Variants in C16orf89 observed in about 807,000 individuals in gnomAD.
The protein encoded by C16orf89 is chromosome 16 open reading frame 89.
C16orf89 carries 57 observed loss-of-function variants against 41.5 expected under a neutral mutation model. That is an observed-to-expected ratio of 1.38 (90% CI 1.11 to 1.71). C16orf89 has a LOEUF of 1.71. Ranked by LOEUF, C16orf89 falls within the 40% of genes most tolerant of loss-of-function variation. The probability of loss-of-function intolerance (pLI) is 0.00; values close to 1 mark genes in which losing one functional copy is unlikely to be tolerated. For synonymous variants in C16orf89, 223 were observed against 190.6 expected, an observed-to-expected ratio of 1.17 and a Z score of -1.40; for missense variants, 575 against 445.9, an observed-to-expected ratio of 1.29 and a Z score of -2.61.
At chr16:5,053,540 G>GTT (rs1383965959) in intron 6 of C16orf89, among the ~76,000 whole-genome samples, 1 of 149,268 alleles carries the variant, frequency 6.7e-6, no homozygotes, top group Non-Finnish European at 1.5e-5. Context: ...AACAATTTGT[G>GTT]GTTTTTTTTT....
intron 3 of C16orf89, 92 bp downstream of exon 3, chr16:5,060,194 G>A: frequency 6.9e-7 from 1 of 1,443,610 alleles, no homozygotes; most frequent in Non-Finnish European, 9.4e-7. Flanking sequence ...CCTGGCTTCA[G>A]CCCTAGGGCT....
intron 1 of C16orf89, 116 bp from the exon 2 acceptor site, chr16:5,062,690 T>C: frequency 8.6e-7 from 1 of 1,157,416 alleles, no homozygotes; most frequent in Non-Finnish European, 1.2e-6. Context: ...CTCTCTGCCT[T>C]CTCCAGCACT....
At chr16:5,050,848 T>C (rs543994805) in intron 6 of C16orf89, among the ~76,000 whole-genome samples, 1 of 152,342 alleles carries the variant, frequency 6.6e-6, no homozygotes, top group African/African-American at 2.4e-5. Context: ...AAAAAAATCA[T>C]TCATCATGAA....
intron 4 of C16orf89, among the ~76,000 whole-genome samples, chr16:5,057,509 A>T (rs949697553): frequency 6.7e-5 from 10 of 149,504 alleles, no homozygotes; most frequent in Non-Finnish European, 1.0e-4. Flanking sequence ...CCATATATAT[A>T]TTTTTCTTTT....
In C16orf89 at chr16:5,059,804, TC is replaced by T. The variant is rs754728836; in HGVS notation, c.509+481del. 3.3e-5 allele frequency among the ~76,000 whole-genome samples: 5 copies of T among 151,948 alleles called. No individual in the cohort carries two copies. The South Asian group carries it at 1.0e-3, about 31-fold the overall frequency. On this transcript the variant is annotated intron_variant, in intron 3 of 7. Coordinates refer to ENST00000472572, the MANE Select transcript of C16orf89 (RefSeq NM_001098514.3). Reference sequence around the variant, plus strand: ...CTATAAGAGGTGCCAGGAGAGGCCCTCACAGGAGGTCTGCTATGTGCTGGGG... The same window carrying T: ...CTATAAGAGGTGCCAGGAGAGGCCCTACAGGAGGTCTGCTATGTGCTGGGG...
At chr16:5,050,190 A>G (rs1411350396) in intron 6 of C16orf89, among the ~76,000 whole-genome samples, 1 of 152,126 alleles carries the variant, frequency 6.6e-6, no homozygotes, top group East Asian at 1.9e-4. Context: ...CAATATGATG[A>G]AACTCAGTCT....
Position 5,044,496 on chromosome 16 carries a change from C to T in C16orf89, c.956-18G>A, listed in dbSNP as rs2142588441. On this transcript the variant is annotated intron_variant, in intron 7 of 7. Coordinates refer to ENST00000472572, the MANE Select transcript of C16orf89 (RefSeq NM_001098514.3). ...GCAGCCATCTAGGGGAGAGAGCCCC[C>T]ATGAGTGCTGGGTGGCAAGAACCTT... 6.2e-7 allele frequency: 1 copy of T among 1,611,678 alleles called. No homozygotes were observed. Among genetic ancestry groups the T allele is most frequent in the Non-Finnish European group, 8.5e-7 (1 of 1,179,240 alleles).
At chr16:5,055,669 G>T in intron 5 of C16orf89, 1 of 1,532,080 alleles carries the variant, frequency 6.5e-7, no homozygotes. Context: ...AGGCTTTGTG[G>T]GTCTGTCTGC....
intron 6 of C16orf89, among the ~76,000 whole-genome samples, chr16:5,053,136 G>T (rs932754715): frequency 7.2e-5 from 11 of 152,118 alleles, no homozygotes; most frequent in Admixed American, 5.9e-4. Flanking sequence ...TTGGGAGGCC[G>T]AGGTGGGTGG....
chr16:5,043,723 C>G (rs1302256249), downstream of C16orf89: 1 of 152,122 alleles, frequency 6.6e-6, no homozygotes, highest in African/African-American at 2.4e-5. Context: ...GTTTATGGGT[C>G]TTTTTAGAAT....
In C16orf89 at chr16:5,054,394, C is replaced by G. The variant is rs539546014; in HGVS notation, c.868+852G>C. ...TCCTCTGCCTCTCCACCCTCTGCTA[C>G]GTCACCTCCTCCCATGTAGTTGTTC... On this transcript the variant is annotated intron_variant, in intron 6 of 7. Transcript: ENST00000472572. 4.6e-5 allele frequency among the ~76,000 whole-genome samples: 7 copies of G among 152,194 alleles called. No homozygotes were observed. In the East Asian group the frequency reaches 1.3e-3, roughly 29 times the overall value.
chr16:5,064,844 A>G (rs1465342767), intron 1 of C16orf89, among the ~76,000 whole-genome samples: 4 of 152,184 alleles, frequency 2.6e-5, no homozygotes, highest in African/African-American at 9.6e-5. Context: ...CTGCCCAGTC[A>G]TGATTAAGAG....
chr16:5,044,835 A>G, intron 7 of C16orf89: 1 of 1,244,038 alleles, frequency 8.0e-7, no homozygotes, highest in Non-Finnish European at 1.0e-6. Context: ...CAGAGCGAGA[A>G]TCTGTCTCAA....
chr16:5,062,626 T>A (rs1402913885), intron 1 of C16orf89, 52 bp from the exon 2 acceptor site: 1 of 1,506,722 alleles, frequency 6.6e-7, no homozygotes, highest in Non-Finnish European at 8.9e-7. Context: ...GGGACCTTTT[T>A]TTGCCTTGGA....
Position 5,047,875 on chromosome 16 carries a change from T to C in C16orf89, c.955+3A>G, listed in dbSNP as rs144254473. Reference sequence around the variant, plus strand: ...AAGAAACTCCCTTGGGTATTTTCATTACCTGGAAATTGTTTTTCTCGCCTC... The same window carrying C: ...AAGAAACTCCCTTGGGTATTTTCATCACCTGGAAATTGTTTTTCTCGCCTC... On this transcript the variant is annotated splice_donor_region_variant and intron_variant, in intron 7 of 7. Transcript: ENST00000472572. 2.6e-6 allele frequency: 4 copies of C among 1,530,352 alleles called. No individual in the cohort carries two copies. The East Asian group carries it at 9.0e-5, about 34-fold the overall frequency. The allele number at this position is 1,530,352 out of a possible 1,614,324, so 94.8% of individuals were successfully genotyped here.
chr16:5,055,251 T>TC lies in C16orf89; in HGVS notation c.862dup (p.Glu288GlyfsTer3). 6.2e-7 allele frequency: 1 copy of TC among 1,606,834 alleles called. No individual in the cohort carries two copies. Among genetic ancestry groups the TC allele is most frequent in the Non-Finnish European group, 8.5e-7 (1 of 1,175,522 alleles). On this transcript the variant is annotated frameshift_variant, in exon 6 of 8. Transcript: ENST00000472572. LOFTEE classifies it high-confidence loss of function. The stretch of plus-strand genomic sequence containing the variant: ...AGGGCAGCAGCGCAGCTCACCAGGC[T>TC]CCCCGAAGCATCCTTCCTGCTGTTT...
intron 7 of C16orf89, among the ~76,000 whole-genome samples, chr16:5,045,544 G>T (rs564910169): frequency 2.4e-4 from 37 of 152,152 alleles, no homozygotes; most frequent in African/African-American, 8.2e-4. Context: ...AGCCAGGTCC[G>T]TTGAAGGGAG....
At chr16:5,044,683 A>C (rs764499819) in intron 7 of C16orf89, 2 of 1,117,372 alleles carry the variant, frequency 1.8e-6, no homozygotes, top group South Asian at 2.7e-5. Flanking sequence ...CTCTACTAAA[A>C]AAATATAAAA....
chr16:5,063,067 AGGTACCCTGTG>A (rs1956661887), intron 1 of C16orf89, among the ~76,000 whole-genome samples: 1 of 152,152 alleles, frequency 6.6e-6, no homozygotes, highest in East Asian at 1.9e-4. Flanking sequence ...ATTCCCACAG[AGGTACCCTGTG>A]GGCTAGCAGT....
Sources: gnomAD v4.1 joint callset for allele counts (sites outside exome capture counted in the v4.1 genomes callset) on GRCh38, gnomAD v4.1.1 for gene constraint, MANE v1.5 for transcripts, NCBI Gene and HGNC (gene_info 2026-07-23, HGNC 2026-07-21) for gene names.